MINPP1: variants seen among roughly 807,000 people sequenced by gnomAD.
MINPP1 encodes the protein multiple inositol polyphosphate phosphatase 1.
MINPP1 carries 28 observed loss-of-function variants against 46.1 expected under a neutral mutation model. The observed-to-expected ratio is 0.61, with a 90% CI of 0.45 to 0.83. The LOEUF is 0.83. MINPP1 is among the 40% of genes least tolerant of loss of function. MINPP1 has a pLI of 0.00. For missense variants in MINPP1, 603 were observed against 610.0 expected, an observed-to-expected ratio of 0.99 and a Z score of 0.12; for synonymous variants, 268 against 249.1, an observed-to-expected ratio of 1.08 and a Z score of -0.72.
intron 3 of MINPP1, among the ~76,000 whole-genome samples, chr10:87,518,151 G>A (rs1187505942): frequency 1.3e-5 from 2 of 151,480 alleles, no homozygotes; most frequent in African/African-American, 4.9e-5. Context: ...AGTAGAGACG[G>A]GGTTTCACCC....
intron 4 of MINPP1, 122 bp downstream of exon 4, chr10:87,521,291 A>G (rs1338484209): frequency 4.2e-6 from 3 of 716,680 alleles, no homozygotes; most frequent in Non-Finnish European, 7.2e-6. Context: ...ATTTTAATAT[A>G]ATGTGATACA....
chr10:87,542,794 G>C (rs1246190762), intron 4 of MINPP1, among the ~76,000 whole-genome samples: 1 of 152,126 alleles, frequency 6.6e-6, no homozygotes, highest in Non-Finnish European at 1.5e-5. Flanking sequence ...CCAGTCTCAG[G>C]TATTTCTTTA....
At position 87,539,421 on chromosome 10, in the gene MINPP1, A is replaced by G. The variant is rs571900267; in HGVS notation, c.1068-12661A>G. 2.6e-5 allele frequency among the ~76,000 whole-genome samples: 4 copies of G among 152,318 alleles called. No individual in the cohort carries two copies. In the East Asian group the frequency reaches 5.8e-4, roughly 22 times the overall value. ...TCTCAAAGAAAGAATAGTCATTACA[A>G]TGTAATGGGGGATGTAAGTTAATTT... is the stretch of plus-strand genomic sequence containing the variant. On this transcript the variant is annotated intron_variant, in intron 4 of 4. Transcript: ENST00000371996.
intron 4 of MINPP1, among the ~76,000 whole-genome samples, chr10:87,527,529 CAT>C (rs1851595237): frequency 6.6e-6 from 1 of 152,138 alleles, no homozygotes. Flanking sequence ...TTGAGATAAT[CAT>C]GTGGTTTTTT....
chr10:87,530,594 G>T (rs1229201203), intron 4 of MINPP1, among the ~76,000 whole-genome samples: 4 of 151,164 alleles, frequency 2.6e-5, no homozygotes, highest in Non-Finnish European at 5.9e-5. Context: ...AGAGGGGATG[G>T]GTTGTCAGTC....
chr10:87,521,602 C>T (rs566238022), intron 4 of MINPP1, among the ~76,000 whole-genome samples: 1 of 152,216 alleles, frequency 6.6e-6, no homozygotes, highest in African/African-American at 2.4e-5. Flanking sequence ...TTGTTTCCCC[C>T]CTCAACTTTA....
chr10:87,532,660 A>G (rs1246788553), intron 4 of MINPP1, among the ~76,000 whole-genome samples: 1 of 152,274 alleles, frequency 6.6e-6, no homozygotes, highest in Non-Finnish European at 1.5e-5. Flanking sequence ...ATAGGAAAGG[A>G]GAATAAAGTA....
intron 3 of MINPP1, among the ~76,000 whole-genome samples, chr10:87,514,921 A>C (rs1298304711): frequency 6.6e-6 from 1 of 151,538 alleles, no homozygotes; most frequent in Non-Finnish European, 1.5e-5. Context: ...TCACCATGTT[A>C]GCCAGGCTGA....
At chr10:87,541,000 C>T (rs1851808696) in intron 4 of MINPP1, among the ~76,000 whole-genome samples, 2 of 152,316 alleles carry the variant, frequency 1.3e-5, no homozygotes, top group African/African-American at 2.4e-5. Context: ...TATGTGCACA[C>T]ACACAAACTC....
chr10:87,536,869 T>C (rs1488608283), intron 4 of MINPP1, among the ~76,000 whole-genome samples: 1 of 152,220 alleles, frequency 6.6e-6, no homozygotes, highest in Non-Finnish European at 1.5e-5. Flanking sequence ...GATCTTTGTA[T>C]GTTATGATTT....
intron 1 of MINPP1, chr10:87,507,700 A>G (rs1162392841): frequency 6.9e-5 from 21 of 303,722 alleles, no homozygotes; most frequent in Non-Finnish European, 9.2e-5. Flanking sequence ...TCTCCAATAC[A>G]TATTTGTTGC....
At chr10:87,543,995 C>T (rs925544266) in intron 4 of MINPP1, among the ~76,000 whole-genome samples, 5 of 152,218 alleles carry the variant, frequency 3.3e-5, no homozygotes, top group Non-Finnish European at 7.3e-5. Context: ...CAATAAGCAG[C>T]AGACACCAGC....
At position 87,552,524 on chromosome 10, in the gene MINPP1, A is replaced by G. The variant is rs752713324; in HGVS notation, c.*46A>G. 1.9e-6 allele frequency: 3 copies of G among 1,579,394 alleles called. No individual in the cohort carries two copies. The highest frequency in any genetic ancestry group is 1.1e-5 in the South Asian group (1 of 90,014). ...ATTCTTTAGGAATCTGCAATGAGTG[A>G]TTACATGCTTGTAATAGGTAGGCAA... On this transcript the variant is annotated 3_prime_UTR_variant, in exon 5 of 5. Transcript: ENST00000371996.
intron 4 of MINPP1, among the ~76,000 whole-genome samples, chr10:87,533,924 C>T (rs898475647): frequency 4.6e-5 from 7 of 152,120 alleles, no homozygotes; most frequent in Non-Finnish European, 7.4e-5. Context: ...AAATGTACGC[C>T]AATTCTAGGT....
intron 4 of MINPP1, among the ~76,000 whole-genome samples, chr10:87,524,305 CT>C (rs1851544525): frequency 6.6e-6 from 1 of 152,178 alleles, no homozygotes. Context: ...CAGCTTCTAA[CT>C]TTTCTTTTGC....
chr10:87,519,083 T>C (rs1296123143), intron 3 of MINPP1, among the ~76,000 whole-genome samples: 6 of 152,138 alleles, frequency 3.9e-5, no homozygotes, highest in Admixed American at 3.9e-4. Context: ...TTCTGTTTCC[T>C]GAGGCCTGCC....
At chr10:87,537,244 T>C (rs540562148) in intron 4 of MINPP1, among the ~76,000 whole-genome samples, 1 of 152,304 alleles carries the variant, frequency 6.6e-6, no homozygotes, top group Admixed American at 6.5e-5. Flanking sequence ...GCCGTCTTTT[T>C]CACTTTTTAA....
At position 87,505,372 on chromosome 10, in the gene MINPP1, G is replaced by T; in HGVS notation, c.457G>T (p.Asp153Tyr). ...DGQLVEKGRQDMRQLALRLAS... is the reference protein window; with the variant it reads ...DGQLVEKGRQYMRQLALRLAS... ...GCAGCTAGTAGAGAAGGGACGGCAG[G>T]ATATGCGACAGCTGGCGCTGCGTCT... is the stretch of plus-strand genomic sequence containing the variant. Residue 153 changes from aspartate (D) to tyrosine (Y), a missense_variant, in exon 1 of 5, where the codon GAT (aspartate) becomes TAT (tyrosine). Transcript: ENST00000371996. The surrounding 1 kb of genome is among the most constrained non-coding windows in gnomAD (Gnocchi z 4.4). The T allele has an allele frequency of 6.2e-7, 1 of 1,614,028 alleles. No homozygotes were observed. The highest frequency in any genetic ancestry group is 8.5e-7 in the Non-Finnish European group (1 of 1,179,934).
intron 4 of MINPP1, among the ~76,000 whole-genome samples, chr10:87,542,960 T>C (rs1463082519): frequency 2.0e-5 from 3 of 152,080 alleles, no homozygotes; most frequent in Non-Finnish European, 4.4e-5. Context: ...GAAGAAAAAT[T>C]TGGAACTTCT....
Sources: allele counts gnomAD v4.1 joint callset (sites outside exome capture counted in the v4.1 genomes callset), GRCh38; gene constraint gnomAD v4.1.1; non-coding constraint Gnocchi (gnomAD v3.1); transcripts MANE v1.5; gene names NCBI Gene and HGNC (gene_info 2026-07-23, HGNC 2026-07-21).